Variants in DGCR8 observed in about 807,000 individuals in gnomAD.
The protein encoded by DGCR8 is microprocessor complex subunit DGCR8.
A neutral mutation model predicts 78.5 loss-of-function variants in DGCR8; 14 were observed. The ratio of observed to expected loss-of-function variants is 0.18; its 90% confidence interval spans 0.12 to 0.28. DGCR8 has a LOEUF of 0.28. DGCR8 is among the 10% of genes least tolerant of loss of function. The pLI is 1.00. For missense variants in DGCR8, 702 were observed against 1,022.5 expected, an observed-to-expected ratio of 0.69 and a Z score of 4.28; for synonymous variants, 399 against 402.4, an observed-to-expected ratio of 0.99 and a Z score of 0.10.
intron 8 of DGCR8, 63 bp from the exon 9 acceptor site, chr22:20,094,650 T>C (rs1158038047): frequency 1.4e-5 from 21 of 1,473,332 alleles, no homozygotes; most frequent in Non-Finnish European, 1.9e-5. Context: ...CACAGTTCAC[T>C]CTGCAGGGTG....
At chr22:20,104,326 G>A (rs536492821) in intron 9 of DGCR8, among the ~76,000 whole-genome samples, 6 of 152,220 alleles carry the variant, frequency 3.9e-5, no homozygotes, top group South Asian at 2.1e-4. Context: ...CACCGCGCCC[G>A]GCTAATTTTT....
intron 12 of DGCR8, chr22:20,108,362 C>T: frequency 6.5e-6 from 1 of 153,370 alleles, no homozygotes; most frequent in Non-Finnish European, 1.5e-5. Flanking sequence ...GGGAAAGGTC[C>T]CAGCCAGGCA....
intron 9 of DGCR8, among the ~76,000 whole-genome samples, chr22:20,097,740 A>G (rs2049644963): frequency 6.7e-6 from 1 of 149,288 alleles, no homozygotes; most frequent in African/African-American, 2.5e-5. Context: ...AAACCCCTCT[A>G]GTGACTGTTT....
At chr22:20,097,897 G>A (rs2049648228) in intron 9 of DGCR8, among the ~76,000 whole-genome samples, 1 of 150,008 alleles carries the variant, frequency 6.7e-6, no homozygotes, top group Admixed American at 6.6e-5. Flanking sequence ...GGGAGGCCAA[G>A]GCGGGCAGAT....
chr22:20,102,514 G>A (rs1568960085), intron 9 of DGCR8, among the ~76,000 whole-genome samples: 1 of 152,244 alleles, frequency 6.6e-6, no homozygotes, highest in Non-Finnish European at 1.5e-5. Flanking sequence ...AGGTCGTCCA[G>A]GTCTGTGTGT....
Position 20,094,790 on chromosome 22 carries a change from C to T in DGCR8, c.1783C>T (p.Leu595Phe), listed in dbSNP as rs1307402210. 1.9e-6 allele frequency: 3 copies of T among 1,613,976 alleles called. No homozygotes were observed. The highest frequency in any genetic ancestry group is 2.5e-6 in the Non-Finnish European group (3 of 1,179,848). ...SEEKPKDSEE[L>F]EYFNHISIED... Reference sequence around the variant, plus strand: ...AGAGAAGCCCAAAGACAGTGAAGAACTCGAGGTGAGTGTTGTGGTCCTGCC... The same window carrying T: ...AGAGAAGCCCAAAGACAGTGAAGAATTCGAGGTGAGTGTTGTGGTCCTGCC... Residue 595 changes from leucine (L) to phenylalanine (F), a missense_variant, in exon 9 of 14, where the codon CTC becomes TTC. Physicochemically the swap from Leu to Phe is conservative, Grantham distance 22. Coordinates refer to ENST00000351989, the MANE Select transcript of DGCR8 (RefSeq NM_022720.7).
chr22:20,106,829 C>T, intron 11 of DGCR8, 131 bp downstream of exon 11: 1 of 694,778 alleles, frequency 1.4e-6, no homozygotes, highest in Non-Finnish European at 2.6e-6. Flanking sequence ...TGCTGGCCAC[C>T]ACACGTTCAG....
intron 8 of DGCR8, among the ~76,000 whole-genome samples, chr22:20,094,050 A>G (rs1396380973): frequency 6.6e-6 from 1 of 152,024 alleles, no homozygotes; most frequent in Non-Finnish European, 1.5e-5. Context: ...GGGGGTGGAG[A>G]TGCCTTGGGC....
intron 12 of DGCR8, 99 bp from the exon 13 acceptor site, chr22:20,108,791 G>GCCTACCTTGCCAGACCCTGGGCA (rs1568963314): frequency 1.3e-4 from 91 of 705,216 alleles, no homozygotes; most frequent in Non-Finnish European, 1.9e-4. Context: ...GACCCTGGGC[G>GCCTACCTTGCCAGACCCTGGGCA]CGCCTGCCTT....
In DGCR8 at chr22:20,111,081, T is replaced by G; in HGVS notation, c.*973T>G. ...AAGGGCCTTCAGTGTAGCCCATTCT[T>G]GATCCAGAGCTGTTGCCTGTGACAG... On this transcript the variant is annotated 3_prime_UTR_variant, in exon 14 of 14. Coordinates refer to ENST00000351989, the MANE Select transcript of DGCR8 (RefSeq NM_022720.7). 1 of 398,006 alleles carries G rather than the reference T, an allele frequency of 2.5e-6. No individual in the cohort carries two copies. Among genetic ancestry groups the G allele is most frequent in the East Asian group, 3.6e-5 (1 of 28,082 alleles). The allele number at this position is 398,006 out of a possible 1,614,324, so 24.7% of individuals were successfully genotyped here. A position where few individuals can be genotyped will look rare whatever the true frequency, so the allele number is the denominator to read the frequency against.
intron 10 of DGCR8, 32 bp downstream of exon 10, chr22:20,106,309 C>A: frequency 1.3e-6 from 2 of 1,553,948 alleles, no homozygotes; most frequent in South Asian, 1.1e-5. Context: ...CCCCATGAGT[C>A]AGGTCGGGGG....
chr22:20,111,020 T>C lies in DGCR8; in HGVS notation c.*912T>C, dbSNP rs1317563783. On this transcript the variant is annotated 3_prime_UTR_variant, in exon 14 of 14. Transcript: ENST00000351989. ...AGAGTAGAAGGTAGATTTGGAATCA[T>C]GCATTTTAGCAAGTGGACTTGTTGA... The C allele has an allele frequency of 2.5e-6, 1 of 397,458 alleles. No homozygotes were observed. The highest frequency in any genetic ancestry group is 2.1e-5 in the African/African-American group (1 of 48,638). 24.6% of individuals were successfully genotyped at this position (397,458 alleles called of 1,614,324 possible).
At chr22:20,105,070 T>C (rs187931201) in intron 9 of DGCR8, among the ~76,000 whole-genome samples, 26 of 152,374 alleles carry the variant, frequency 1.7e-4, no homozygotes, top group African/African-American at 6.0e-4. Flanking sequence ...TCTCCAGTGC[T>C]TCAAAGTGTG....
At position 20,092,836 on chromosome 22, in the gene DGCR8, C is replaced by T. The variant is rs757539540; in HGVS notation, c.1634C>T (p.Ser545Leu). ...AACCCAAGTGAGCCTTTTGGTGCCTCGGTGACCATTGATGGTGTGACTTAC... is the reference window on the plus strand; with the variant it reads ...AACCCAAGTGAGCCTTTTGGTGCCTTGGTGACCATTGATGGTGTGACTTAC... ...CENPSEPFGA[S>L]VTIDGVTYGS... The change falls in exon 8 of 14, where the codon TCG becomes TTG. Residue 545 changes from serine (S) to leucine (L), a missense_variant. Physicochemically the swap from Ser to Leu is moderately radical, Grantham distance 145. Around this residue, in one of 4 missense-constraint regions of DGCR8, gnomAD observed 225 missense variants for 427.7 expected, o/e 0.53. Coordinates refer to ENST00000351989, the MANE Select transcript of DGCR8 (RefSeq NM_022720.7). 11 of 1,613,498 alleles carry T rather than the reference C, an allele frequency of 6.8e-6. No individual in the cohort carries two copies. In the East Asian group the frequency reaches 8.9e-5, roughly 13 times the overall value.
intron 9 of DGCR8, among the ~76,000 whole-genome samples, chr22:20,095,857 A>G (rs150386410): frequency 5.5e-4 from 83 of 152,188 alleles, no homozygotes; most frequent in African/African-American, 1.8e-3. Flanking sequence ...ACGATGGGAG[A>G]CAGTGACAGA....
intron 8 of DGCR8, among the ~76,000 whole-genome samples, chr22:20,094,121 A>G (rs1334910324): frequency 1.3e-5 from 2 of 151,992 alleles, no homozygotes; most frequent in Non-Finnish European, 2.9e-5. Context: ...GCTGGAACCC[A>G]CTTCCCTTGC....
intron 9 of DGCR8, 22 bp from the exon 10 acceptor site, chr22:20,106,155 A>C: frequency 6.2e-7 from 1 of 1,611,026 alleles, no homozygotes; most frequent in Non-Finnish European, 8.5e-7. Context: ...GGGGACTCAC[A>C]AGCCTCTGCT....
chr22:20,088,128 C>G (rs1281763413), intron 3 of DGCR8, among the ~76,000 whole-genome samples: 2 of 152,102 alleles, frequency 1.3e-5, no homozygotes, highest in Non-Finnish European at 2.9e-5. Flanking sequence ...TGGCACATGG[C>G]CATCCTCCTT....
At chr22:20,108,852 A>G (rs1602499010) in intron 12 of DGCR8, 38 bp from the exon 13 acceptor site, 2 of 1,104,914 alleles carry the variant, frequency 1.8e-6, no homozygotes, top group Non-Finnish European at 2.8e-6. Flanking sequence ...GTAGAGCTAC[A>G]GCCTGCAGTC....
Sources: allele counts gnomAD v4.1 joint callset (sites outside exome capture counted in the v4.1 genomes callset), GRCh38; gene constraint gnomAD v4.1.1; regional missense constraint gnomAD v4.1.1; transcripts MANE v1.5; gene names NCBI Gene and HGNC (gene_info 2026-07-23, HGNC 2026-07-21).